Variants in ZWILCH observed in about 807,000 individuals in gnomAD.
ZWILCH encodes protein zwilch homolog.
A neutral mutation model predicts 79.9 loss-of-function variants in ZWILCH; 74 were observed. That is an observed-to-expected ratio of 0.93 (90% CI 0.77 to 1.12). The LOEUF (loss-of-function observed/expected upper bound fraction) is 1.12. Among genes scored for constraint, ZWILCH ranks in the 50% most tolerant of loss-of-function variants. ZWILCH has a pLI of 0.00. For missense variants in ZWILCH, 694 were observed against 687.5 expected (o/e 1.01, Z -0.11); for synonymous variants, 241 against 228.2 (o/e 1.06, Z -0.51).
chr15:66,529,891 G>T (rs1894807410), intron 12 of ZWILCH, among the ~76,000 whole-genome samples: 1 of 152,194 alleles, frequency 6.6e-6, no homozygotes, highest in South Asian at 2.1e-4. Flanking sequence ...CTGTGAATGA[G>T]TATTCTCATA....
intron 13 of ZWILCH, among the ~76,000 whole-genome samples, chr15:66,532,778 T>G (rs767513142): frequency 6.6e-6 from 1 of 151,946 alleles, no homozygotes; most frequent in Non-Finnish European, 1.5e-5. Context: ...ATATTTATGG[T>G]ATAATATGCC....
In ZWILCH at chr15:66,533,019, T is replaced by C. The variant is rs1332853755; in HGVS notation, c.1341+6T>C. The stretch of plus-strand genomic sequence containing the variant: ...TTGCATCTTTGAATCATTTGGTGAG[T>C]TTATTTTTTTATTCTAAAATTGGTT... On this transcript the variant is annotated splice_donor_region_variant and intron_variant, in intron 14 of 18. Transcript: ENST00000307897. The C allele has an allele frequency of 1.3e-6, 2 of 1,570,484 alleles. No individual in the cohort carries two copies. The highest frequency in any genetic ancestry group is 1.7e-6 in the Non-Finnish European group (2 of 1,153,308).
chr15:66,519,000 A>G lies in ZWILCH; in HGVS notation c.442A>G (p.Thr148Ala), dbSNP rs1894393339. 6.2e-7 allele frequency: 1 copy of G among 1,614,220 alleles called. No homozygotes were observed. The highest frequency in any genetic ancestry group is 8.5e-7 in the Non-Finnish European group (1 of 1,180,028). Residue 148 changes from threonine to alanine, a missense_variant, in exon 5 of 19, where the codon ACT becomes GCT. Transcript: ENST00000307897. ...ATGTGACAGTTCAGATCCTGAAGGT[A>G]CTTGTTGGCTAGGAGCTGAGCTTAT... is the stretch of plus-strand genomic sequence containing the variant. ...VRCDSSDPEG[T>A]CWLGAELITT... is the part of the protein sequence containing the mutation.
intron 1 of ZWILCH, among the ~76,000 whole-genome samples, chr15:66,506,646 G>A (rs9673093): frequency 6.6e-6 from 1 of 151,960 alleles, no homozygotes; most frequent in South Asian, 2.1e-4. Context: ...ACAGAGCAAG[G>A]CTCTGTCTCT....
chr15:66,519,042 A>G lies in ZWILCH; in HGVS notation c.484A>G (p.Ile162Val). The G allele has an allele frequency of 6.2e-7, 1 of 1,614,202 alleles. No individual in the cohort carries two copies. Among genetic ancestry groups the G allele is most frequent in the Non-Finnish European group, 8.5e-7 (1 of 1,180,028 alleles). Residue 162 changes from isoleucine (I) to valine (V), a missense_variant, in exon 5 of 19, where the codon ATT (isoleucine) becomes GTT (valine). Transcript: ENST00000307897. ...TGAGCTTATCACAACAAACAACAGC[A>G]TTACAGGAATTGTCTTATATGTGGT... ...GAELITTNNS[I>V]TGIVLYVVSC...
chr15:66,542,605 C>T (rs1045672755), intron 17 of ZWILCH, among the ~76,000 whole-genome samples: 1 of 151,994 alleles, frequency 6.6e-6, no homozygotes, highest in Admixed American at 6.6e-5. Context: ...ATTCGCAACC[C>T]ATGTTCAGAA....
Position 66,517,455 on chromosome 15 carries a change from T to TAG in ZWILCH, c.321-1423_321-1422dup, listed in dbSNP as rs1555424270. On this transcript the variant is annotated intron_variant, in intron 4 of 18. Coordinates refer to ENST00000307897, the MANE Select transcript of ZWILCH (RefSeq NM_017975.5). ...GTATATATATATATATATATATATA[T>TAG]AGTAATGTACACACATACACCATTT... Among the ~76,000 whole-genome samples the TAG allele has an allele frequency of 6.3e-3, 716 of 113,836 alleles. 9 individuals are homozygous for TAG. The highest frequency in any genetic ancestry group is 0.026 in the Middle Eastern group (6 of 230). The allele number at this position is 113,836 out of a possible 152,430, so 74.7% of individuals were successfully genotyped here.
chr15:66,544,693 A>G (rs1895299536), intron 17 of ZWILCH, among the ~76,000 whole-genome samples: 3 of 137,464 alleles, frequency 2.2e-5, no homozygotes, highest in Non-Finnish European at 4.7e-5. Flanking sequence ...TGTGAAAAAA[A>G]TGCCTTGTTT....
In ZWILCH at chr15:66,533,021, TA is replaced by T. The variant is rs750919549; in HGVS notation, c.1341+9del. 4.5e-6 allele frequency: 7 copies of T among 1,572,264 alleles called. No individual in the cohort carries two copies. The Admixed American group carries it at 7.0e-5, about 16-fold the overall frequency. ...GCATCTTTGAATCATTTGGTGAGTT[TA>T]TTTTTTTATTCTAAAATTGGTTTTT... On this transcript the variant is annotated intron_variant, in intron 14 of 18. Coordinates refer to ENST00000307897, the MANE Select transcript of ZWILCH (RefSeq NM_017975.5).
At chr15:66,526,094 G>A (rs1343139955) in intron 8 of ZWILCH, among the ~76,000 whole-genome samples, 11 of 152,004 alleles carry the variant, frequency 7.2e-5, no homozygotes, top group Non-Finnish European at 2.9e-5. Flanking sequence ...ACCTCCCCCC[G>A]GGAGTGGGAG....
At chr15:66,538,816 C>T (rs1895102750) in intron 16 of ZWILCH, among the ~76,000 whole-genome samples, 1 of 152,220 alleles carries the variant, frequency 6.6e-6, no homozygotes, top group Non-Finnish European at 1.5e-5. Context: ...AGGCTGAGAA[C>T]AGTTCTCTTT....
intron 14 of ZWILCH, among the ~76,000 whole-genome samples, chr15:66,534,714 C>T (rs1244031906): frequency 6.6e-6 from 1 of 152,106 alleles, no homozygotes; most frequent in Admixed American, 6.6e-5. Context: ...AGGGCACTTA[C>T]CATGAATGGA....
Position 66,537,185 on chromosome 15 carries a change from A to G in ZWILCH, c.1496A>G (p.Tyr499Cys), listed in dbSNP as rs761296511. The change falls in exon 16 of 19, where the codon TAC becomes TGC. Residue 499 changes from tyrosine to cysteine, a missense_variant. Transcript: ENST00000307897. The part of the protein sequence containing the change: ...FSLTQICIKY[Y>C]KQNPLDEQHI... ...TTTTTCAGGATCTGCATAAAGTATTACAAACAAAATCCTCTTGATGAGCAA... is the reference window on the plus strand; with the variant it reads ...TTTTTCAGGATCTGCATAAAGTATTGCAAACAAAATCCTCTTGATGAGCAA... The G allele has an allele frequency of 6.2e-7, 1 of 1,613,418 alleles. No individual in the cohort carries two copies. The highest frequency in any genetic ancestry group is 1.1e-5 in the South Asian group (1 of 91,054).
In ZWILCH at chr15:66,536,053, CTCTTT is replaced by C. The variant is rs1567050656; in HGVS notation, c.1468_1472del (p.Ser490AsnfsTer14). ...TTTCATTAAATCTCAACATGAACTC[CTCTTT>C]TCTTTAACACAGTAAGTACATCTGT... On this transcript the variant is annotated frameshift_variant, in exon 15 of 19. Coordinates refer to ENST00000307897, the MANE Select transcript of ZWILCH (RefSeq NM_017975.5). LOFTEE classifies it high-confidence loss of function. The C allele has an allele frequency of 2.5e-6, 4 of 1,606,336 alleles. No homozygotes were observed. The highest frequency in any genetic ancestry group is 1.7e-4 in the Middle Eastern group (1 of 6,046).
intron 16 of ZWILCH, 31 bp from the exon 17 acceptor site, chr15:66,540,066 AT>A: frequency 6.4e-7 from 1 of 1,555,234 alleles, no homozygotes; most frequent in Non-Finnish European, 8.8e-7. Context: ...GTTTTTGAAA[AT>A]TTTTCTTTTG....
intron 4 of ZWILCH, 85 bp from the exon 5 acceptor site, chr15:66,518,792 CAG>C: frequency 7.8e-7 from 1 of 1,276,700 alleles, no homozygotes. Context: ...GCCTGGGCAA[CAG>C]AGTGAGACCC....
chr15:66,539,927 C>G (rs1036558713), intron 16 of ZWILCH, among the ~76,000 whole-genome samples, 171 bp from the exon 17 acceptor site: 1 of 151,678 alleles, frequency 6.6e-6, no homozygotes, highest in Non-Finnish European at 1.5e-5. Flanking sequence ...TATTTTTATT[C>G]TTATTTTTCT....
At chr15:66,533,774 A>G (rs529742285) in intron 14 of ZWILCH, among the ~76,000 whole-genome samples, 5 of 152,136 alleles carry the variant, frequency 3.3e-5, no homozygotes, top group Admixed American at 6.5e-5. Flanking sequence ...TTGGTCCTCT[A>G]TGTCTGTGGG....
At chr15:66,548,152 T>C (rs1337689571) in intron 18 of ZWILCH, 199 bp from the exon 19 acceptor site, 1 of 170,250 alleles carries the variant, frequency 5.9e-6, no homozygotes, top group East Asian at 1.5e-4. Context: ...ATTAAAGTAA[T>C]ATTTCTGGAC....
Sources: gnomAD v4.1 joint callset for allele counts (sites outside exome capture counted in the v4.1 genomes callset) on GRCh38, gnomAD v4.1.1 for gene constraint, MANE v1.5 for transcripts, NCBI Gene and HGNC (gene_info 2026-07-23, HGNC 2026-07-21) for gene names.